Variants in MRPL45 observed in about 807,000 individuals in gnomAD.
MRPL45 encodes mitochondrial ribosomal protein L45.
MRPL45 carries 20 observed loss-of-function variants against 38.1 expected under a neutral mutation model. The ratio of observed to expected loss-of-function variants is 0.53; its 90% confidence interval spans 0.37 to 0.76. MRPL45 has a LOEUF of 0.76. Among genes scored for constraint, MRPL45 ranks in the 30% least tolerant of loss-of-function variants. MRPL45 has a pLI of 0.00. For missense variants in MRPL45, 337 were observed against 395.6 expected, an observed-to-expected ratio of 0.85 and a Z score of 1.26; for synonymous variants, 105 against 128.8, an observed-to-expected ratio of 0.82 and a Z score of 1.25.
In MRPL45 at chr17:38,307,107, C is replaced by G. The variant is rs183180880; in HGVS notation, c.461+476C>G. ...GGAGTGCAATGGCGCAATCTTGGCT[C>G]TCTGCAACCTCCACGTCCCTGGTTC... On this transcript the variant is annotated intron_variant, in intron 4 of 7. Transcript: ENST00000613675. 6.6e-5 allele frequency among the ~76,000 whole-genome samples: 10 copies of G among 152,060 alleles called. No homozygotes were observed. The East Asian group carries it at 1.4e-3, about 21-fold the overall frequency.
At chr17:38,311,641 G>A (rs369809257) in intron 4 of MRPL45, among the ~76,000 whole-genome samples, 2,165 of 145,102 alleles carry the variant, frequency 0.015, 45 homozygotes, top group African/African-American at 0.052. Context: ...AGCCAAGATC[G>A]CACCACTGCA....
chr17:38,310,931 C>T (rs2037105879), intron 4 of MRPL45, among the ~76,000 whole-genome samples: 1 of 151,878 alleles, frequency 6.6e-6, no homozygotes, highest in Non-Finnish European at 1.5e-5. Context: ...TTTTTTTAAA[C>T]AAATAGATAT....
At chr17:38,314,356 G>C (rs1197051248) in intron 4 of MRPL45, among the ~76,000 whole-genome samples, 2 of 151,234 alleles carry the variant, frequency 1.3e-5, no homozygotes, top group African/African-American at 4.9e-5. Context: ...CACCTGCCTC[G>C]GCCTCCCAAA....
intron 3 of MRPL45, among the ~76,000 whole-genome samples, chr17:38,306,205 C>T (rs948031753): frequency 2.0e-5 from 3 of 151,488 alleles, no homozygotes; most frequent in East Asian, 3.9e-4. Flanking sequence ...GTCAGGAGAT[C>T]GAGACCATCC....
intron 2 of MRPL45, 85 bp downstream of exon 2, chr17:38,298,711 T>C: frequency 6.8e-7 from 1 of 1,480,438 alleles, no homozygotes; most frequent in Non-Finnish European, 9.3e-7. Flanking sequence ...TGATTGATAA[T>C]ATTTAATTAA....
intron 4 of MRPL45, among the ~76,000 whole-genome samples, chr17:38,306,938 T>C (rs572718340): frequency 6.6e-6 from 1 of 152,342 alleles, no homozygotes; most frequent in South Asian, 2.1e-4. Flanking sequence ...TTCTGATCTT[T>C]TTTGTGTGTT....
At chr17:38,308,729 C>T (rs537480873) in intron 4 of MRPL45, among the ~76,000 whole-genome samples, 5 of 151,562 alleles carry the variant, frequency 3.3e-5, no homozygotes, top group East Asian at 2.0e-4. Flanking sequence ...CGTGAGCCAA[C>T]GCGCCCGGCC....
At chr17:38,321,991 C>G in intron 6 of MRPL45, 135 bp from the exon 7 acceptor site, 2 of 842,648 alleles carry the variant, frequency 2.4e-6, no homozygotes, top group Non-Finnish European at 3.8e-6. Flanking sequence ...GAGATCATGC[C>G]ACTGCACTCC....
At chr17:38,305,604 G>GC (rs2037045298) in intron 3 of MRPL45, among the ~76,000 whole-genome samples, 1 of 148,788 alleles carries the variant, frequency 6.7e-6, no homozygotes, top group South Asian at 2.2e-4. Flanking sequence ...TCCTGCCTCA[G>GC]CCTCCCAAGT....
At chr17:38,319,128 C>T (rs1481982924) in intron 5 of MRPL45, among the ~76,000 whole-genome samples, 4 of 151,752 alleles carry the variant, frequency 2.6e-5, no homozygotes, top group Admixed American at 6.6e-5. Context: ...CTCCGCCTCC[C>T]GGGTTCACGC....
At chr17:38,317,865 G>T (rs1438900265) in intron 4 of MRPL45, among the ~76,000 whole-genome samples, 1 of 151,818 alleles carries the variant, frequency 6.6e-6, no homozygotes, top group Non-Finnish European at 1.5e-5. Flanking sequence ...GAGCCACCAT[G>T]CCCGGCTGTT....
intron 6 of MRPL45, among the ~76,000 whole-genome samples, chr17:38,321,034 T>C (rs2037225004): frequency 6.6e-6 from 1 of 152,038 alleles, no homozygotes; most frequent in African/African-American, 2.4e-5. Context: ...TGGAGTGCAG[T>C]GATGTGATTG....
intron 4 of MRPL45, among the ~76,000 whole-genome samples, chr17:38,309,797 T>G (rs944304630): frequency 3.3e-5 from 5 of 151,838 alleles, no homozygotes; most frequent in Admixed American, 6.6e-5. Flanking sequence ...TTCATATTGC[T>G]TCTTAAATCT....
intron 4 of MRPL45, among the ~76,000 whole-genome samples, chr17:38,311,157 A>G (rs924434973): frequency 1.3e-5 from 2 of 152,160 alleles, no homozygotes; most frequent in Non-Finnish European, 2.9e-5. Context: ...TTTTATACCC[A>G]TTAAGCAGTA....
chr17:38,301,203 C>G (rs1428250146), intron 3 of MRPL45, among the ~76,000 whole-genome samples: 13 of 152,096 alleles, frequency 8.5e-5, no homozygotes, highest in Non-Finnish European at 1.9e-4. Context: ...TTTGCACATC[C>G]TTTCCTTTGC....
rs1364918084 is a variant in MRPL45 at position 38,304,740 on chromosome 17, C to T, written c.363-1793C>T. ...TGTATTTTTAGTAAAGACAGGGTTT[C>T]ACCATATTGGCCAGGCCAGTCTCGA... On this transcript the variant is annotated intron_variant, in intron 3 of 7. Transcript: ENST00000613675. Among the ~76,000 whole-genome samples, 9 of 152,186 alleles carry T rather than the reference C, an allele frequency of 5.9e-5. No homozygotes were observed. In the East Asian group the frequency reaches 1.7e-3, roughly 29 times the overall value.
intron 6 of MRPL45, 101 bp downstream of exon 6, chr17:38,320,868 A>G: frequency 2.7e-6 from 3 of 1,106,882 alleles, no homozygotes; most frequent in Non-Finnish European, 4.0e-6. Flanking sequence ...TGTAGACAGT[A>G]ATAAAAGGTA....
intron 4 of MRPL45, among the ~76,000 whole-genome samples, chr17:38,315,963 T>C (rs897309824): frequency 1.3e-5 from 2 of 151,710 alleles, no homozygotes; most frequent in South Asian, 2.1e-4. Flanking sequence ...TTAGTAAAGA[T>C]AGGGTTTCAC....
At chr17:38,318,190 G>A in intron 4 of MRPL45, among the ~76,000 whole-genome samples, 1 of 117,170 alleles carries the variant, frequency 8.5e-6, no homozygotes, top group Admixed American at 1.2e-4. Context: ...CCTGGCGACA[G>A]AGCGAGACTC....
Sources: allele counts gnomAD v4.1 joint callset (sites outside exome capture counted in the v4.1 genomes callset), GRCh38; gene constraint gnomAD v4.1.1; transcripts MANE v1.5; gene names NCBI Gene and HGNC (gene_info 2026-07-23, HGNC 2026-07-21).